Variants in RIC3 observed in about 807,000 individuals in gnomAD.
The protein encoded by RIC3 is RIC3 acetylcholine receptor chaperone, also known as protein RIC-3.
RIC3 carries 28 observed loss-of-function variants against 27.3 expected under a neutral mutation model. The observed-to-expected ratio is 1.02, with a 90% CI of 0.76 to 1.41. The LOEUF is 1.41. Among genes scored for constraint, RIC3 ranks in the 40% most tolerant of loss-of-function variants. The pLI, the probability that RIC3 is intolerant of heterozygous loss-of-function variation, is 0.00. For synonymous variants in RIC3, 184 were observed against 160.4 expected, an observed-to-expected ratio of 1.15 and a Z score of -1.11; for missense variants, 501 against 444.7, an observed-to-expected ratio of 1.13 and a Z score of -1.14.
chr11:8,152,092 T>A (rs1250773872), intron 1 of RIC3, among the ~76,000 whole-genome samples: 1 of 152,118 alleles, frequency 6.6e-6, no homozygotes, highest in African/African-American at 2.4e-5. Context: ...ATGAAAAAGA[T>A]AATAGCAAGT....
the RIC3 span, chr11:8,097,613 T>C: frequency 2.3e-6 from 3 of 1,307,058 alleles, no homozygotes; most frequent in Non-Finnish European, 2.2e-6. Flanking sequence ...ATATGTGCGT[T>C]TGGGAGCTGA....
chr11:8,152,798 T>C (rs1269076875), intron 1 of RIC3, among the ~76,000 whole-genome samples: 1 of 152,148 alleles, frequency 6.6e-6, no homozygotes, highest in Non-Finnish European at 1.5e-5. Context: ...CTGTGTTTGA[T>C]ACTCTCATAT....
At chr11:8,097,466 C>A in the RIC3 span, 1 of 1,612,130 alleles carries the variant, frequency 6.2e-7, no homozygotes. Context: ...GGCTTTACAG[C>A]CCTTTGAAAT....
chr11:8,104,741 T>C (rs1944464089), downstream of RIC3: 1 of 151,410 alleles, frequency 6.6e-6, no homozygotes, highest in Admixed American at 6.6e-5. Flanking sequence ...TTGGTTGAAA[T>C]TGAACATACT....
At chr11:8,117,631 T>C (rs1945996048) in intron 5 of RIC3, among the ~76,000 whole-genome samples, 1 of 152,004 alleles carries the variant, frequency 6.6e-6, no homozygotes, top group African/African-American at 2.4e-5. Flanking sequence ...TTATACATTA[T>C]ACAGACTATA....
intron 1 of RIC3, among the ~76,000 whole-genome samples, chr11:8,159,615 C>T (rs1391665104): frequency 6.6e-6 from 1 of 152,136 alleles, no homozygotes; most frequent in Non-Finnish European, 1.5e-5. Context: ...CTAAACAAAA[C>T]GTTTCCATGA....
chr11:8,117,874 T>C, intron 5 of RIC3, among the ~76,000 whole-genome samples: 1 of 152,030 alleles, frequency 6.6e-6, no homozygotes, highest in East Asian at 1.9e-4. Flanking sequence ...AATCAAATAA[T>C]AACTCATAAA....
At chr11:8,099,694 G>T in the RIC3 span, among the ~76,000 whole-genome samples, 1 of 152,208 alleles carries the variant, frequency 6.6e-6, no homozygotes, top group Non-Finnish European at 1.5e-5. Flanking sequence ...TAAACACTAA[G>T]AAGAAAAAGT....
At chr11:8,151,708 G>A (rs566069073) in intron 1 of RIC3, among the ~76,000 whole-genome samples, 12 of 151,874 alleles carry the variant, frequency 7.9e-5, no homozygotes, top group Admixed American at 6.6e-4. Context: ...GAGGTCAGGA[G>A]TTCAAGACCA....
At chr11:8,098,588 C>T in the RIC3 span, among the ~76,000 whole-genome samples, 1 of 152,186 alleles carries the variant, frequency 6.6e-6, no homozygotes, top group East Asian at 1.9e-4. Flanking sequence ...AGGCCTTCTG[C>T]CCACGAAGTG....
intron 1 of RIC3, among the ~76,000 whole-genome samples, chr11:8,150,928 T>G (rs1370271052): frequency 1.3e-5 from 2 of 152,160 alleles, no homozygotes; most frequent in African/African-American, 4.8e-5. Flanking sequence ...TGGGGACAGG[T>G]AGATATTCAC....
At chr11:8,134,232 G>A (rs758638685) in intron 4 of RIC3, among the ~76,000 whole-genome samples, 11 of 152,148 alleles carry the variant, frequency 7.2e-5, no homozygotes, top group Non-Finnish European at 1.0e-4. Flanking sequence ...ACCTATGAGT[G>A]AGAACATGCG....
At chr11:8,117,040 T>C (rs1159821762) in intron 5 of RIC3, among the ~76,000 whole-genome samples, 2 of 152,190 alleles carry the variant, frequency 1.3e-5, no homozygotes, top group Admixed American at 6.5e-5. Flanking sequence ...AAAGAAAATG[T>C]GGCACATATA....
chr11:8,146,930 T>C (rs1003776513), intron 1 of RIC3, among the ~76,000 whole-genome samples: 20 of 152,278 alleles, frequency 1.3e-4, no homozygotes, highest in African/African-American at 4.6e-4. Flanking sequence ...AGGGAGTAGA[T>C]TGTAAAATGT....
intron 5 of RIC3, among the ~76,000 whole-genome samples, chr11:8,115,444 T>C (rs1382773430): frequency 1.3e-5 from 2 of 152,030 alleles, no homozygotes; most frequent in African/African-American, 2.4e-5. Flanking sequence ...TTATAAAAAA[T>C]GCTCAAGGGT....
chr11:8,128,842 C>T (rs1317921642), intron 4 of RIC3, among the ~76,000 whole-genome samples: 1 of 150,742 alleles, frequency 6.6e-6, no homozygotes, highest in Non-Finnish European at 1.5e-5. Context: ...GCAAGCTCCG[C>T]CTCCCGGGTT....
chr11:8,110,954 G>C lies in RIC3; in HGVS notation c.854C>G (p.Pro285Arg). 6.2e-7 allele frequency: 1 copy of C among 1,614,086 alleles called. No homozygotes were observed. The highest frequency in any genetic ancestry group is 1.1e-5 in the South Asian group (1 of 91,072). The change falls in exon 6 of 6, where the codon CCC (proline) becomes CGC (arginine). Residue 285 changes from proline to arginine, a missense_variant. Coordinates refer to ENST00000309737, the MANE Select transcript of RIC3 (RefSeq NM_001206671.4). ...HLGWESLPTD[P>R]RAQEDNSVTS... ...AACAGAATTATCTTCCTGGGCTCTG[G>C]GGTCAGTGGGCAGACTTTCCCAACC...
intron 5 of RIC3, among the ~76,000 whole-genome samples, chr11:8,124,254 A>G (rs1946776562): frequency 6.6e-6 from 1 of 152,186 alleles, no homozygotes; most frequent in Non-Finnish European, 1.5e-5. Flanking sequence ...ATCCCAATGC[A>G]TTTTATGAGG....
At chr11:8,127,286 G>A (rs771891235) in intron 4 of RIC3, among the ~76,000 whole-genome samples, 2 of 152,142 alleles carry the variant, frequency 1.3e-5, no homozygotes, top group Non-Finnish European at 2.9e-5. Context: ...CTTAATTTAC[G>A]TGTGCAGGTA....
Sources: gnomAD v4.1 joint callset for allele counts (sites outside exome capture counted in the v4.1 genomes callset) on GRCh38, gnomAD v4.1.1 for gene constraint, MANE v1.5 for transcripts, NCBI Gene and HGNC (gene_info 2026-07-23, HGNC 2026-07-21) for gene names.